The following TRPC5 variants were observed in gnomAD, a reference collection of about 807,000 sequenced individuals.
TRPC5 encodes transient receptor potential cation channel subfamily C member 5, also known as short transient receptor potential channel 5.
TRPC5 carries 9 observed loss-of-function variants against 56.5 expected under a neutral mutation model. The ratio of observed to expected loss-of-function variants is 0.16; its 90% CI spans 0.10 to 0.28. TRPC5 has a LOEUF of 0.28. TRPC5 is among the 10% of genes least tolerant of loss of function. The pLI, the probability that TRPC5 is intolerant of heterozygous loss-of-function variation, is 1.00. For synonymous variants in TRPC5, 282 were observed against 278.5 expected, an observed-to-expected ratio of 1.01 and a Z score of -0.13; for missense variants, 469 against 748.9, an observed-to-expected ratio of 0.63 and a Z score of 4.36.
chrX:111,811,597 G>A (rs187948336), intron 7 of TRPC5, among the ~76,000 whole-genome samples: 1 of 111,441 alleles, frequency 9.0e-6, no homozygotes, highest in African/African-American at 3.3e-5. Flanking sequence ...AGAGGTTTTG[G>A]GGGGGAGTCA....
At chrX:112,030,716 A>G (rs776034926) in intron 1 of TRPC5, among the ~76,000 whole-genome samples, 1 of 112,235 alleles carries the variant, frequency 8.9e-6, no homozygotes, top group Non-Finnish European at 1.9e-5. Flanking sequence ...CATCACCTAT[A>G]TAATTGTTTA....
intron 1 of TRPC5, among the ~76,000 whole-genome samples, chrX:112,004,389 A>G (rs1174471069): frequency 8.9e-6 from 1 of 111,939 alleles, no homozygotes; most frequent in Non-Finnish European, 1.9e-5. Flanking sequence ...GGAGGTAATG[A>G]AGTGAGATAG....
rs928716888 is a variant in TRPC5, at chrX:112,035,279, C to T, written c.-22+46600G>A. On this transcript the variant is annotated intron_variant, in intron 1 of 10. Coordinates refer to ENST00000262839, the MANE Select transcript of TRPC5 (RefSeq NM_012471.3). ...GTGGCTACTCTGGATATCAGGTTCT[C>T]CCCTTTCTCTAGGGTTTGCTATTTT... Among the ~76,000 whole-genome samples the T allele has an allele frequency of 1.1e-4, 12 of 110,459 alleles. No individual in the cohort carries two copies. The Admixed American group carries it at 1.2e-3, about 11-fold the overall frequency.
chrX:111,937,089 G>A, intron 2 of TRPC5, among the ~76,000 whole-genome samples: 1 of 105,464 alleles, frequency 9.5e-6, no homozygotes, highest in Non-Finnish European at 1.9e-5. Flanking sequence ...TTTCTCTGAT[G>A]GCCAGTGATG....
intron 1 of TRPC5, among the ~76,000 whole-genome samples, chrX:112,068,791 T>C (rs767622543): frequency 8.9e-6 from 1 of 112,216 alleles, no homozygotes; most frequent in South Asian, 3.7e-4. Context: ...CTTCACTGGG[T>C]AAATGCCTTT....
intron 2 of TRPC5, among the ~76,000 whole-genome samples, chrX:111,929,184 G>A (rs1603103013): frequency 8.9e-6 from 1 of 112,143 alleles, no homozygotes; most frequent in South Asian, 3.7e-4. Flanking sequence ...TGTTAGAAAA[G>A]GGCAGCAACA....
intron 1 of TRPC5, among the ~76,000 whole-genome samples, chrX:111,957,720 G>A (rs1413501562): frequency 1.8e-5 from 2 of 112,141 alleles, no homozygotes; most frequent in Non-Finnish European, 3.8e-5. Context: ...AGTGCTTGCT[G>A]TGCATCTACT....
intron 1 of TRPC5, among the ~76,000 whole-genome samples, chrX:112,022,741 G>T (rs975510397): frequency 1.8e-5 from 2 of 111,778 alleles, no homozygotes; most frequent in Admixed American, 9.5e-5. Context: ...CTCAAGAAAA[G>T]AAATAAAAAC....
intron 3 of TRPC5, among the ~76,000 whole-genome samples, chrX:111,885,939 GA>G (rs1211847318): frequency 2.7e-5 from 3 of 111,606 alleles, no homozygotes; most frequent in African/African-American, 9.8e-5. Flanking sequence ...TTTTAGACTT[GA>G]ACCTAGGTTT....
chrX:111,843,248 A>G (rs1316082906), intron 6 of TRPC5, among the ~76,000 whole-genome samples: 1 of 112,483 alleles, frequency 8.9e-6, no homozygotes, highest in Non-Finnish European at 1.9e-5. Context: ...AGGCCCCTCT[A>G]TGGCAGATGC....
At chrX:111,827,415 T>G (rs1282662460) in intron 7 of TRPC5, among the ~76,000 whole-genome samples, 1 of 111,276 alleles carries the variant, frequency 9.0e-6, no homozygotes, top group East Asian at 2.8e-4. Flanking sequence ...GGATGTCTAA[T>G]AGGCATCTCC....
intron 1 of TRPC5, among the ~76,000 whole-genome samples, chrX:112,049,233 T>C (rs1262550378): frequency 9.0e-6 from 1 of 110,538 alleles, no homozygotes; most frequent in Non-Finnish European, 1.9e-5. Flanking sequence ...GCCTAAACAA[T>C]GCCAAATACC....
intron 2 of TRPC5, among the ~76,000 whole-genome samples, chrX:111,944,281 T>TGA (rs1291709272): frequency 1.3e-5 from 1 of 79,936 alleles, no homozygotes; most frequent in Admixed American, 1.3e-4. Context: ...TGTGTGTGTG[T>TGA]GTGTGTGTGT....
rs781183052 is a variant in TRPC5 at position 112,073,008 on chromosome X, T to C, written c.-22+8871A>G. On this transcript the variant is annotated intron_variant, in intron 1 of 10. Coordinates refer to ENST00000262839, the MANE Select transcript of TRPC5 (RefSeq NM_012471.3). ...AAACTGATAATTTATATTTTAAAAT[T>C]GAATGTCATTATTATATATTTCATA... 2.7e-5 allele frequency among the ~76,000 whole-genome samples: 3 copies of C among 112,197 alleles called. No homozygotes were observed. The South Asian group carries it at 1.1e-3, about 42-fold the overall frequency.
rs1451170685 is a variant in TRPC5, at chrX:111,912,820, C to T, written c.379-8G>A. The T allele has an allele frequency of 8.4e-7, 1 of 1,189,719 alleles. No individual in the cohort carries two copies. Among genetic ancestry groups the T allele is most frequent in the Admixed American group, 2.2e-5 (1 of 45,544 alleles). On this transcript the variant is annotated splice_region_variant and splice_polypyrimidine_tract_variant and intron_variant, in intron 2 of 10. Transcript: ENST00000262839. The stretch of plus-strand genomic sequence containing the variant: ...CATCATCAGAGTGGGGACCTAGGTA[C>T]AAGAAATGAGAAGAATAGAAGGGCA...
At chrX:111,924,267 C>T (rs1926200105) in intron 2 of TRPC5, among the ~76,000 whole-genome samples, 1 of 111,275 alleles carries the variant, frequency 9.0e-6, no homozygotes, top group South Asian at 3.8e-4. Context: ...GATAAGAGCA[C>T]ATTTGCCAGC....
Position 112,021,428 on chromosome X carries a change from C to T in TRPC5, c.-22+60451G>A, listed in dbSNP as rs145701013. 6.4e-3 allele frequency among the ~76,000 whole-genome samples: 716 copies of T among 112,017 alleles called. 6 individuals are homozygous for T. The highest frequency in any genetic ancestry group is 0.022 in the African/African-American group (692 of 30,829). ...AGTCATAACTGAAGGCTTTTCCCTA[C>T]TAACCAGTGGTACAATAGAATATTC... On this transcript the variant is annotated intron_variant, in intron 1 of 10. Transcript: ENST00000262839.
intron 1 of TRPC5, among the ~76,000 whole-genome samples, chrX:112,005,016 A>G (rs16986728): frequency 0.086 from 9,596 of 111,241 alleles, 640 homozygotes; most frequent in African/African-American, 0.23. Context: ...GAGTTTGTCA[A>G]TGTTACCAGC....
In TRPC5 at chrX:112,067,776, T is replaced by C. The variant is rs370267870; in HGVS notation, c.-22+14103A>G. Among the ~76,000 whole-genome samples the C allele has an allele frequency of 5.4e-5, 6 of 111,868 alleles. No homozygotes were observed. The East Asian group carries it at 1.7e-3, about 32-fold the overall frequency. ...TCAGAGAGGAAGCATGGCAGGTGCA[T>C]TAAATGCTCCACTTAACAGTGAAGG... On this transcript the variant is annotated intron_variant, in intron 1 of 10. Coordinates refer to ENST00000262839, the MANE Select transcript of TRPC5 (RefSeq NM_012471.3).
Sources: allele counts gnomAD v4.1 joint callset (sites outside exome capture counted in the v4.1 genomes callset), GRCh38; gene constraint gnomAD v4.1.1; transcripts MANE v1.5; gene names NCBI Gene and HGNC (gene_info 2026-07-23, HGNC 2026-07-21).